The following GRIN3A variants were observed in gnomAD, a reference collection of about 807,000 sequenced individuals.
GRIN3A encodes the protein glutamate receptor ionotropic, NMDA 3A.
GRIN3A carries 47 observed loss-of-function variants against 92.4 expected under a neutral mutation model. That is an observed-to-expected ratio of 0.51 (90% CI 0.40 to 0.65). GRIN3A has a LOEUF of 0.65. Ranked by LOEUF, GRIN3A falls within the 30% of genes least tolerant of loss-of-function variation. The probability of loss-of-function intolerance (pLI) is 0.00; values close to 1 mark genes in which losing one functional copy is unlikely to be tolerated. For missense variants in GRIN3A, 1,324 were observed against 1,393.1 expected (o/e 0.95, Z 0.79); for synonymous variants, 527 against 540.6 (o/e 0.97, Z 0.35).
intron 8 of GRIN3A, 112 bp downstream of exon 8, chr9:101,577,652 CTATT>C (rs1363105828): frequency 5.7e-5 from 46 of 810,054 alleles, no homozygotes; most frequent in African/African-American, 2.9e-4. Flanking sequence ...TTATTTCCCT[CTATT>C]TATACTGATT....
chr9:101,570,924 A>G lies in GRIN3A; in HGVS notation c.*2250T>C, dbSNP rs1465451566. 1 of 152,606 alleles carries G rather than the reference A, an allele frequency of 6.6e-6. No homozygotes were observed. Among genetic ancestry groups the G allele is most frequent in the Non-Finnish European group, 1.5e-5 (1 of 68,052 alleles). 9.5% of individuals were successfully genotyped at this position (152,606 alleles called of 1,614,324 possible). A position where few individuals can be genotyped will look rare whatever the true frequency, so the allele number is the denominator to read the frequency against. ...TATGAGCTGAGTTACAAAAATGTCC[A>G]TGTACATTAGGAGCATGGCTGTAAT... is the stretch of plus-strand genomic sequence containing the variant. On this transcript the variant is annotated 3_prime_UTR_variant, in exon 9 of 9. Coordinates refer to ENST00000361820, the MANE Select transcript of GRIN3A (RefSeq NM_133445.3).
At chr9:101,636,683 T>C (rs1388817627) in intron 3 of GRIN3A, among the ~76,000 whole-genome samples, 2 of 152,222 alleles carry the variant, frequency 1.3e-5, no homozygotes. Context: ...GTAGATAAGA[T>C]AGGCATTACT....
chr9:101,706,202 C>T (rs1667068551), intron 1 of GRIN3A, among the ~76,000 whole-genome samples: 1 of 152,192 alleles, frequency 6.6e-6, no homozygotes, highest in South Asian at 2.1e-4. Flanking sequence ...ACTACTTGAA[C>T]TTCCTTTTCA....
chr9:101,728,559 A>G (rs1588300431), intron 1 of GRIN3A, among the ~76,000 whole-genome samples: 2 of 152,280 alleles, frequency 1.3e-5, no homozygotes, highest in Middle Eastern at 6.8e-3. Flanking sequence ...TCAAATCTGC[A>G]TTTTCAGAAA....
intron 1 of GRIN3A, among the ~76,000 whole-genome samples, chr9:101,707,440 G>T (rs1330057516): frequency 6.6e-6 from 1 of 152,092 alleles, no homozygotes. Flanking sequence ...TATACATTTG[G>T]CACAGTCAAG....
intron 1 of GRIN3A, among the ~76,000 whole-genome samples, chr9:101,711,980 C>T (rs1203674755): frequency 6.6e-6 from 1 of 152,170 alleles, no homozygotes; most frequent in East Asian, 1.9e-4. Context: ...CTCAACGATT[C>T]CATCACCAGC....
chr9:101,658,682 CAA>C (rs1009265693), intron 3 of GRIN3A, among the ~76,000 whole-genome samples: 7 of 151,862 alleles, frequency 4.6e-5, no homozygotes, highest in Admixed American at 2.0e-4. Flanking sequence ...TAGATTCTGA[CAA>C]AATATTCTGA....
At position 101,737,438 on chromosome 9, in the gene GRIN3A, A is replaced by G; in HGVS notation, c.542T>C (p.Leu181Pro). 1 of 1,614,250 alleles carries G rather than the reference A, an allele frequency of 6.2e-7. No homozygotes were observed. The highest frequency in any genetic ancestry group is 8.5e-7 in the Non-Finnish European group (1 of 1,180,036). The stretch of plus-strand genomic sequence containing the variant: ...CACCACGGTATGGCACACACTTTGC[A>G]GGAAGGAGAAAGGGTCACTGCTCCA... ...SPWSSDPFSF[L>P]QSVCHTVVVQ... The change falls in exon 1 of 9, where the codon CTG (leucine) becomes CCG (proline). Residue 181 changes from leucine to proline, a missense_variant. By Grantham distance (98) the Leu-to-Pro change is moderately conservative. Transcript: ENST00000361820.
intron 3 of GRIN3A, among the ~76,000 whole-genome samples, chr9:101,652,340 G>T (rs1450804204): frequency 6.6e-6 from 1 of 151,944 alleles, no homozygotes; most frequent in Non-Finnish European, 1.5e-5. Context: ...TCTGGAAATA[G>T]GAAGGTCATC....
Position 101,574,696 on chromosome 9 carries a change from C to T in GRIN3A, c.3009-1183G>A, listed in dbSNP as rs894211868. ...CCTATGCTGAATCTGCTTTCCTCCCCGCTTCAGTTAGGAGTGTTCTCACAA... is the reference window on the plus strand; with the variant it reads ...CCTATGCTGAATCTGCTTTCCTCCCTGCTTCAGTTAGGAGTGTTCTCACAA... On this transcript the variant is annotated intron_variant, in intron 8 of 8. Coordinates refer to ENST00000361820, the MANE Select transcript of GRIN3A (RefSeq NM_133445.3). Among the ~76,000 whole-genome samples the T allele has an allele frequency of 4.6e-5, 7 of 152,162 alleles. No individual in the cohort carries two copies. In the East Asian group the frequency reaches 5.8e-4, roughly 13 times the overall value.
chr9:101,719,333 C>T (rs554913550), intron 1 of GRIN3A, among the ~76,000 whole-genome samples: 7 of 151,208 alleles, frequency 4.6e-5, no homozygotes, highest in Admixed American at 2.0e-4. Flanking sequence ...AGAGGAGAAT[C>T]GTTTGAACCT....
intron 6 of GRIN3A, chr9:101,593,547 T>C (rs974069337): frequency 6.6e-5 from 10 of 152,200 alleles, no homozygotes; most frequent in African/African-American, 2.4e-4. Flanking sequence ...ACTAACTAAA[T>C]GTCTCATTGT....
At chr9:101,671,484 A>G (rs1316844163) in intron 2 of GRIN3A, among the ~76,000 whole-genome samples, 1 of 152,084 alleles carries the variant, frequency 6.6e-6, no homozygotes, top group Non-Finnish European at 1.5e-5. Flanking sequence ...AACATATCCT[A>G]TTTCTATTGT....
chr9:101,619,232 G>T (rs1316412623), intron 5 of GRIN3A, among the ~76,000 whole-genome samples: 1 of 152,132 alleles, frequency 6.6e-6, no homozygotes, highest in East Asian at 1.9e-4. Context: ...ATTCAATTTT[G>T]CAGTCTGTCC....
Position 101,737,429 on chromosome 9 carries a change from A to G in GRIN3A, c.551T>C (p.Val184Ala). ...CCCTTGCACCACCACGGTATGGCACACACTTTGCAGGAAGGAGAAAGGGTC... is the reference window on the plus strand; with the variant it reads ...CCCTTGCACCACCACGGTATGGCACGCACTTTGCAGGAAGGAGAAAGGGTC... ...SSDPFSFLQSVCHTVVVQGVS... is the reference protein window; with the variant it reads ...SSDPFSFLQSACHTVVVQGVS... Residue 184 changes from valine to alanine, a missense_variant, in exon 1 of 9, where the codon GTG becomes GCG. Physicochemically the swap from Val to Ala is moderately conservative, Grantham distance 64. Coordinates refer to ENST00000361820, the MANE Select transcript of GRIN3A (RefSeq NM_133445.3). 6.2e-7 allele frequency: 1 copy of G among 1,614,260 alleles called. No homozygotes were observed. Among genetic ancestry groups the G allele is most frequent in the South Asian group, 1.1e-5 (1 of 91,088 alleles).
intron 1 of GRIN3A, among the ~76,000 whole-genome samples, chr9:101,715,290 T>C (rs1357839521): frequency 6.6e-6 from 1 of 150,766 alleles, no homozygotes; most frequent in Non-Finnish European, 1.5e-5. Context: ...ATGGTGTGGG[T>C]GGACCATGGG....
intron 1 of GRIN3A, among the ~76,000 whole-genome samples, chr9:101,728,935 A>G (rs950753502): frequency 3.3e-5 from 5 of 152,186 alleles, no homozygotes; most frequent in Non-Finnish European, 7.4e-5. Context: ...TCTTTGGGTT[A>G]ATGTAAGCCA....
At chr9:101,702,838 C>T (rs1012509874) in intron 1 of GRIN3A, among the ~76,000 whole-genome samples, 12 of 152,214 alleles carry the variant, frequency 7.9e-5, no homozygotes, top group Non-Finnish European at 1.6e-4. Context: ...CATGACTGCA[C>T]CATCACTCAC....
At chr9:101,715,213 A>AAG (rs1349601354) in intron 1 of GRIN3A, among the ~76,000 whole-genome samples, 68 of 151,554 alleles carry the variant, frequency 4.5e-4, no homozygotes, top group African/African-American at 1.6e-3. Context: ...AAAAAAAAAA[A>AAG]AAAAAAGAAA....
Sources: allele counts gnomAD v4.1 joint callset (sites outside exome capture counted in the v4.1 genomes callset), GRCh38; gene constraint gnomAD v4.1.1; transcripts MANE v1.5; gene names NCBI Gene and HGNC (gene_info 2026-07-23, HGNC 2026-07-21).